Variants in CCDC192 observed in about 807,000 individuals in gnomAD.
CCDC192 encodes the protein coiled-coil domain containing 192.
At chr5:127,903,981 A>T (rs1753129870) in intron 6 of CCDC192, among the ~76,000 whole-genome samples, 1 of 152,204 alleles carries the variant, frequency 6.6e-6, no homozygotes, top group African/African-American at 2.4e-5. Context: ...ACGTTCAGGG[A>T]CTTTGCAGAT....
At chr5:127,783,576 T>G (rs1380237055) in intron 3 of CCDC192, among the ~76,000 whole-genome samples, 1 of 152,248 alleles carries the variant, frequency 6.6e-6, no homozygotes, top group Non-Finnish European at 1.5e-5. Context: ...CATGAGCTGT[T>G]GAATAGAATG....
Position 127,859,190 on chromosome 5 carries a change from T to G in CCDC192, c.412-16348T>G, listed in dbSNP as rs567061755. 2.0e-5 allele frequency among the ~76,000 whole-genome samples: 3 copies of G among 152,344 alleles called. No individual in the cohort carries two copies. The East Asian group carries it at 5.8e-4, about 29-fold the overall frequency. ...GTTTATGTAGACAAACTCTAAATTGTAGAATAAGCTATGATTTATAGCTTA... is the reference window on the plus strand; with the variant it reads ...GTTTATGTAGACAAACTCTAAATTGGAGAATAAGCTATGATTTATAGCTTA... On this transcript the variant is annotated intron_variant, in intron 5 of 6. Transcript: ENST00000514853.
intron 6 of CCDC192, among the ~76,000 whole-genome samples, chr5:127,893,490 A>G (rs990628937): frequency 6.6e-6 from 1 of 152,158 alleles, no homozygotes; most frequent in African/African-American, 2.4e-5. Flanking sequence ...TTCTCACTAT[A>G]CCTTTAGAGA....
At chr5:127,885,112 T>C (rs1323248205) in intron 6 of CCDC192, among the ~76,000 whole-genome samples, 1 of 77,176 alleles carries the variant, frequency 1.3e-5, no homozygotes, top group South Asian at 3.5e-4. Flanking sequence ...TTTTTGTTTG[T>C]TTGTTTAAAA....
chr5:127,915,328 C>T (rs769281265), intron 6 of CCDC192, among the ~76,000 whole-genome samples: 9 of 152,208 alleles, frequency 5.9e-5, no homozygotes, highest in East Asian at 1.9e-4. Flanking sequence ...CTGCTGCCCG[C>T]GGGCCACATA....
At chr5:127,747,319 A>G (rs1753830378) in intron 2 of CCDC192, among the ~76,000 whole-genome samples, 1 of 148,848 alleles carries the variant, frequency 6.7e-6, no homozygotes, top group South Asian at 2.1e-4. Context: ...ATGTGATCTC[A>G]TTGTTCAATT....
intron 6 of CCDC192, among the ~76,000 whole-genome samples, chr5:127,925,929 G>A (rs1291560516): frequency 6.6e-6 from 1 of 152,050 alleles, no homozygotes; most frequent in Non-Finnish European, 1.5e-5. Flanking sequence ...AAATTTAAAG[G>A]CATTTAATTG....
intron 3 of CCDC192, among the ~76,000 whole-genome samples, chr5:127,787,228 TC>T (rs1384930130): frequency 6.6e-6 from 1 of 152,082 alleles, no homozygotes; most frequent in African/African-American, 2.4e-5. Context: ...CCCAAAAGGC[TC>T]CCCTGATGCC....
chr5:127,865,010 G>T (rs1751544131), intron 5 of CCDC192, among the ~76,000 whole-genome samples: 2 of 152,120 alleles, frequency 1.3e-5, no homozygotes, highest in Admixed American at 6.5e-5. Context: ...GGCCAGGCGT[G>T]GTGGCACGTG....
chr5:127,735,739 T>C (rs1752946575), intron 2 of CCDC192, among the ~76,000 whole-genome samples: 1 of 129,966 alleles, frequency 7.7e-6, no homozygotes, highest in Admixed American at 8.2e-5. Flanking sequence ...TGTCTGTTGT[T>C]GGTGTATAAG....
At chr5:127,896,226 G>T (rs1752878552) in intron 6 of CCDC192, among the ~76,000 whole-genome samples, 1 of 151,980 alleles carries the variant, frequency 6.6e-6, no homozygotes, top group Admixed American at 6.6e-5. Context: ...ATCATTTGAG[G>T]CCATGAGTTA....
intron 2 of CCDC192, among the ~76,000 whole-genome samples, chr5:127,749,091 G>A (rs1429827375): frequency 6.6e-6 from 1 of 152,082 alleles, no homozygotes; most frequent in Non-Finnish European, 1.5e-5. Flanking sequence ...TTTCCTAATT[G>A]AATATCCTTT....
chr5:127,889,008 G>A (rs1163852655), intron 6 of CCDC192, among the ~76,000 whole-genome samples: 4 of 152,172 alleles, frequency 2.6e-5, no homozygotes, highest in African/African-American at 9.7e-5. Context: ...AGCAGAAGCT[G>A]TGGGTTCTAA....
intron 2 of CCDC192, among the ~76,000 whole-genome samples, chr5:127,745,678 C>T (rs985849809): frequency 1.3e-5 from 2 of 152,196 alleles, no homozygotes; most frequent in African/African-American, 2.4e-5. Context: ...AATCCATACA[C>T]AGGTTCAATT....
chr5:127,825,343 T>G (rs114855801), intron 5 of CCDC192, among the ~76,000 whole-genome samples: 33 of 152,266 alleles, frequency 2.2e-4, no homozygotes, highest in African/African-American at 7.9e-4. Context: ...AAACTCTGAG[T>G]AGAAATATCT....
chr5:127,772,265 A>G (rs1755598209), intron 3 of CCDC192, among the ~76,000 whole-genome samples: 1 of 152,118 alleles, frequency 6.6e-6, no homozygotes, highest in Non-Finnish European at 1.5e-5. Flanking sequence ...GTTCAAGACC[A>G]GCCTGACCTA....
In CCDC192 at chr5:127,795,291, A is replaced by G. The variant is rs1757101725; in HGVS notation, c.223-1812A>G. Among the ~76,000 whole-genome samples, 3 of 69,120 alleles carry G rather than the reference A, an allele frequency of 4.3e-5. No individual in the cohort carries two copies. The South Asian group carries it at 2.4e-3, about 56-fold the overall frequency. 45.3% of individuals were successfully genotyped at this position (69,120 alleles called of 152,430 possible). On this transcript the variant is annotated intron_variant, in intron 3 of 6. Transcript: ENST00000514853. ...GGTGACAAGGTGAGACTCTATCTCAAAAAAAAAAAAAAAAAAAAACAATTT... is the reference window on the plus strand; with the variant it reads ...GGTGACAAGGTGAGACTCTATCTCAGAAAAAAAAAAAAAAAAAAACAATTT...
intron 3 of CCDC192, chr5:127,785,820 T>A (rs1470633934): frequency 3.0e-6 from 1 of 329,044 alleles, no homozygotes; most frequent in Non-Finnish European, 6.1e-6. Flanking sequence ...AAATAGGCCA[T>A]CTTGGTAACC....
Position 127,893,068 on chromosome 5 carries a change from A to G in CCDC192, c.535+17407A>G, listed in dbSNP as rs114195073. ...ATGAGTCATAGTCTCCATAGCAGAAAGCCCTAAAATATCAGTATCGGGTGT... is the reference window on the plus strand; with the variant it reads ...ATGAGTCATAGTCTCCATAGCAGAAGGCCCTAAAATATCAGTATCGGGTGT... On this transcript the variant is annotated intron_variant, in intron 6 of 6. Transcript: ENST00000514853. Among the ~76,000 whole-genome samples the G allele has an allele frequency of 5.6e-3, 849 of 152,308 alleles. 10 individuals carry two copies. Among genetic ancestry groups the G allele is most frequent in the African/African-American group, 0.019 (810 of 41,572 alleles).
Sources: allele counts gnomAD v4.1 joint callset (sites outside exome capture counted in the v4.1 genomes callset), GRCh38; gene constraint gnomAD v4.1.1; transcripts MANE v1.5; gene names NCBI Gene and HGNC (gene_info 2026-07-23, HGNC 2026-07-21).